LPP: variants seen among roughly 807,000 people sequenced by gnomAD.
LPP encodes LIM domain containing preferred translocation partner in lipoma, also known as lipoma-preferred partner.
A neutral mutation model predicts 60.4 loss-of-function variants in LPP; 38 were observed. That is an observed-to-expected ratio of 0.63 (90% CI 0.49 to 0.83). The LOEUF (loss-of-function observed/expected upper bound fraction) is 0.83. LPP is among the 40% of genes least tolerant of loss of function. LPP has a pLI of 0.00. For missense variants in LPP, 902 were observed against 783.6 expected, an observed-to-expected ratio of 1.15 and a Z score of -1.80; for synonymous variants, 328 against 290.8, an observed-to-expected ratio of 1.13 and a Z score of -1.30.
At chr3:188,236,264 G>A (rs924324036) in intron 2 of LPP, among the ~76,000 whole-genome samples, 1 of 152,170 alleles carries the variant, frequency 6.6e-6, no homozygotes, top group Non-Finnish European at 1.5e-5. Context: ...ATGAAGAGTA[G>A]GGAGGACACA....
rs1377484690 is a variant in LPP at position 188,382,447 on chromosome 3, GTC to G, written c.-9-23658_-9-23657del. Among the ~76,000 whole-genome samples the G allele has an allele frequency of 7.9e-5, 12 of 152,296 alleles. No homozygotes were observed. In the East Asian group the frequency reaches 1.7e-3, roughly 22 times the overall value. Reference sequence around the variant, plus strand: ...TGAGATTAATAATAATGTCTACCCTGTCTCTCTCACAGAATTGGTGGTCACTT... The same window carrying G: ...TGAGATTAATAATAATGTCTACCCTGTCTCTCACAGAATTGGTGGTCACTT... On this transcript the variant is annotated intron_variant, in intron 3 of 11. Transcript: ENST00000617246.
chr3:188,694,746 G>A (rs1307165770), intron 7 of LPP, among the ~76,000 whole-genome samples: 1 of 151,726 alleles, frequency 6.6e-6, no homozygotes, highest in Non-Finnish European at 1.5e-5. Flanking sequence ...GTCTCTCAAA[G>A]CCTTGTACTC....
chr3:188,424,746 C>A (rs897503043), intron 4 of LPP, among the ~76,000 whole-genome samples: 1 of 151,172 alleles, frequency 6.6e-6, no homozygotes, highest in Non-Finnish European at 1.5e-5. Flanking sequence ...TGATTCAGCT[C>A]TCTATCATTG....
At chr3:188,331,039 A>G (rs1229532664) in intron 2 of LPP, among the ~76,000 whole-genome samples, 2 of 151,718 alleles carry the variant, frequency 1.3e-5, no homozygotes, top group East Asian at 3.9e-4. Flanking sequence ...TTTTCTAGCC[A>G]TTTATATTAG....
At chr3:188,548,034 G>C (rs1827128921) in intron 6 of LPP, among the ~76,000 whole-genome samples, 1 of 152,114 alleles carries the variant, frequency 6.6e-6, no homozygotes, top group Non-Finnish European at 1.5e-5. Context: ...GTCTGAAGTG[G>C]GAAGACAGCC....
chr3:188,350,083 A>G (rs1401368360), intron 3 of LPP, among the ~76,000 whole-genome samples: 6 of 152,198 alleles, frequency 3.9e-5, no homozygotes, highest in Non-Finnish European at 7.3e-5. Context: ...GCAACATGGC[A>G]TGTTTTAGAA....
At position 188,485,796 on chromosome 3, in the gene LPP, C is replaced by CAAAAAAAAAAAAAAAAAAAA. The variant is rs766522013; in HGVS notation, c.306+1110_306+1111insAAAAAAAAAAAAAAAAAAAA. Among the ~76,000 whole-genome samples, 144 of 40,124 alleles carry CAAAAAAAAAAAAAAAAAAAA rather than the reference C, an allele frequency of 3.6e-3. 13 individuals carry two copies. The highest frequency in any genetic ancestry group is 0.023 in the East Asian group (27 of 1,178). The allele number at this position is 40,124 out of a possible 152,430, so 26.3% of individuals were successfully genotyped here. A position where few individuals can be genotyped will look rare whatever the true frequency, so the allele number is the denominator to read the frequency against. The stretch of plus-strand genomic sequence containing the variant: ...TGGGCGACAGAGCGAGACTCCGTCT[C>CAAAAAAAAAAAAAAAAAAAA]AAAAAAAAAAAAAAAAAATGGAATG... On this transcript the variant is annotated intron_variant, in intron 5 of 11. Coordinates refer to ENST00000617246, the MANE Select transcript of LPP (RefSeq NM_001375462.1).
At chr3:188,632,348 G>A (rs934132103) in intron 7 of LPP, among the ~76,000 whole-genome samples, 26 of 152,180 alleles carry the variant, frequency 1.7e-4, no homozygotes, top group Admixed American at 1.7e-3. Context: ...ACCTTTATGA[G>A]GAAGTAGCAT....
intron 11 of LPP, among the ~76,000 whole-genome samples, chr3:188,873,288 C>T (rs1222410330): frequency 6.6e-6 from 1 of 152,066 alleles, no homozygotes; most frequent in African/African-American, 2.4e-5. Flanking sequence ...TTCTGGATAC[C>T]CCGTTAACTT....
chr3:188,188,956 A>AAAGGTT (rs151180944), intron 1 of LPP, among the ~76,000 whole-genome samples: 17,105 of 136,736 alleles, frequency 0.13, 1,741 homozygotes, highest in East Asian at 0.54. Flanking sequence ...GCCCTATGGA[A>AAAGGTT]AAGACCTAAG....
At chr3:188,781,991 T>C (rs1430671944) in intron 9 of LPP, among the ~76,000 whole-genome samples, 4 of 151,824 alleles carry the variant, frequency 2.6e-5, no homozygotes, top group Admixed American at 2.6e-4. Context: ...CAATTCAAGA[T>C]GAGATTTGGG....
intron 2 of LPP, among the ~76,000 whole-genome samples, chr3:188,239,656 A>G (rs150401051): frequency 3.6e-4 from 55 of 152,268 alleles, no homozygotes; most frequent in Non-Finnish European, 7.2e-4. Context: ...CCATTGTTCA[A>G]AGAAAGGCAT....
At chr3:188,712,424 G>A (rs74983596) in intron 8 of LPP, 4,871 of 152,340 alleles carry the variant, frequency 0.032, 127 homozygotes, top group South Asian at 0.089. Context: ...GCAGATATTA[G>A]CACTGTGTTG....
intron 3 of LPP, among the ~76,000 whole-genome samples, chr3:188,356,694 C>T (rs559177821): frequency 2.3e-4 from 35 of 152,212 alleles, no homozygotes; most frequent in Admixed American, 2.0e-3. Flanking sequence ...AAGTTCTTTC[C>T]GTGGAAAAAG....
intron 6 of LPP, among the ~76,000 whole-genome samples, chr3:188,545,440 C>G (rs1826370171): frequency 6.6e-6 from 1 of 151,892 alleles, no homozygotes; most frequent in Non-Finnish European, 1.5e-5. Flanking sequence ...GTATCTGTAT[C>G]AGCCATTTAT....
At chr3:188,871,718 T>C (rs1050094220) in intron 10 of LPP, among the ~76,000 whole-genome samples, 1 of 152,186 alleles carries the variant, frequency 6.6e-6, no homozygotes, top group African/African-American at 2.4e-5. Context: ...TCAAATAATA[T>C]GTCATTTCAT....
At chr3:188,693,021 T>G (rs1277957152) in intron 7 of LPP, among the ~76,000 whole-genome samples, 1 of 152,200 alleles carries the variant, frequency 6.6e-6, no homozygotes. Context: ...TTTAGAATGA[T>G]GGAGATGCAG....
At chr3:188,867,444 A>G (rs973139021) in intron 10 of LPP, among the ~76,000 whole-genome samples, 5 of 151,960 alleles carry the variant, frequency 3.3e-5, no homozygotes, top group Non-Finnish European at 7.4e-5. Flanking sequence ...TCCTGACTCA[A>G]GCAATTCTCC....
rs559279367 is a variant in LPP at position 188,203,938 on chromosome 3, G to T, written c.-189-21467G>T. ...TGATATTAAGCATTTAAAAAGAGGA[G>T]CTGTGTGAAAAGTTTTGTTGACTAC... is the stretch of plus-strand genomic sequence containing the variant. On this transcript the variant is annotated intron_variant, in intron 1 of 11. Coordinates refer to ENST00000617246, the MANE Select transcript of LPP (RefSeq NM_001375462.1). Among the ~76,000 whole-genome samples the T allele has an allele frequency of 3.5e-3, 531 of 152,186 alleles. 1 individual carries two copies. Among genetic ancestry groups the T allele is most frequent in the Non-Finnish European group, 6.0e-3 (410 of 68,014 alleles).
Sources: gnomAD v4.1 joint callset for allele counts (sites outside exome capture counted in the v4.1 genomes callset) on GRCh38, gnomAD v4.1.1 for gene constraint, MANE v1.5 for transcripts, NCBI Gene and HGNC (gene_info 2026-07-23, HGNC 2026-07-21) for gene names.